The following ARL6IP6 variants were observed in gnomAD, a reference collection of about 807,000 sequenced individuals.
ARL6IP6 encodes ARF like GTPase 6 interacting protein 6.
A neutral mutation model predicts 21.5 loss-of-function variants in ARL6IP6; 22 were observed. The observed-to-expected ratio is 1.02, with a 90% CI of 0.73 to 1.46. ARL6IP6 has a LOEUF of 1.46. Among genes scored for constraint, ARL6IP6 ranks in the 40% most tolerant of loss-of-function variants. The pLI is 0.00. For synonymous variants in ARL6IP6, 164 were observed against 125.3 expected, an observed-to-expected ratio of 1.31 and a Z score of -2.06; for missense variants, 388 against 299.8, an observed-to-expected ratio of 1.29 and a Z score of -2.17.
rs149308486 is a variant in ARL6IP6, at chr2:152,730,646, G to T, written c.455-4348G>T. 9.9e-5 allele frequency among the ~76,000 whole-genome samples: 15 copies of T among 152,252 alleles called. No individual in the cohort carries two copies. In the East Asian group the frequency reaches 2.9e-3, roughly 29 times the overall value. ...GGTGCTAGAGGTGGATACTGTGCCAGGATATTGGGGTGAAGGTGCAGACTA... is the reference window on the plus strand; with the variant it reads ...GGTGCTAGAGGTGGATACTGTGCCATGATATTGGGGTGAAGGTGCAGACTA... On this transcript the variant is annotated intron_variant, in intron 2 of 3. Transcript: ENST00000326446.
In ARL6IP6 at chr2:152,759,896, CAAG is replaced by C. The variant is rs1392157244; in HGVS notation, c.*60_*62del. 3.5e-6 allele frequency: 5 copies of C among 1,415,618 alleles called. No homozygotes were observed. The highest frequency in any genetic ancestry group is 1.7e-5 in the Admixed American group (1 of 59,210). The allele number at this position is 1,415,618 out of a possible 1,614,324, so 87.7% of individuals were successfully genotyped here. Reference sequence around the variant, plus strand: ...CTTAATCATGATTGTTTTGTAATAACAAGAAGGAGCATCACTGTCTACTCAGAA... The same window carrying C: ...CTTAATCATGATTGTTTTGTAATAACAAGGAGCATCACTGTCTACTCAGAA... On this transcript the variant is annotated 3_prime_UTR_variant, in exon 4 of 4. Coordinates refer to ENST00000326446, the MANE Select transcript of ARL6IP6 (RefSeq NM_152522.7).
At chr2:152,720,296 A>T (rs1441866399) in intron 1 of ARL6IP6, 1 of 539,540 alleles carries the variant, frequency 1.9e-6, no homozygotes, top group Non-Finnish European at 3.3e-6. Context: ...CCACTACCTT[A>T]GGGAATAAAC....
chr2:152,755,174 C>T (rs975750533), intron 3 of ARL6IP6, among the ~76,000 whole-genome samples: 1 of 152,186 alleles, frequency 6.6e-6, no homozygotes, highest in Admixed American at 6.5e-5. Flanking sequence ...GCCAGGGCCA[C>T]CAGAGGGCTC....
Position 152,735,211 on chromosome 2 carries a change from G to A in ARL6IP6, c.587+85G>A, listed in dbSNP as rs976521302. 2.0e-5 allele frequency: 29 copies of A among 1,468,284 alleles called. No individual in the cohort carries two copies. The Middle Eastern group carries it at 1.1e-3, about 53-fold the overall frequency. The allele number at this position is 1,468,284 out of a possible 1,614,324, so 91.0% of individuals were successfully genotyped here. A position where few individuals can be genotyped will look rare whatever the true frequency, so the allele number is the denominator to read the frequency against. On this transcript the variant is annotated intron_variant, in intron 3 of 3. Transcript: ENST00000326446. Reference sequence around the variant, plus strand: ...AATACTCAGAAGCAAGAGGCTGATCGTGAGGTATGTTGAGGTTTCAGTCTT... The same window carrying A: ...AATACTCAGAAGCAAGAGGCTGATCATGAGGTATGTTGAGGTTTCAGTCTT...
In ARL6IP6 at chr2:152,760,726, C is replaced by G. The variant is rs1404060330; in HGVS notation, c.*886C>G. The G allele has an allele frequency of 6.6e-6, 1 of 151,712 alleles. No homozygotes were observed. The highest frequency in any genetic ancestry group is 2.4e-5 in the African/African-American group (1 of 41,322). 9.4% of individuals were successfully genotyped at this position (151,712 alleles called of 1,614,324 possible). ...TGTATATATTGTTACTTTAACAGAA[C>G]TTGCATTATTTTGTTTTTAATAAAT... On this transcript the variant is annotated 3_prime_UTR_variant, in exon 4 of 4. Transcript: ENST00000326446.
At chr2:152,726,316 C>T (rs1306894190) in intron 2 of ARL6IP6, among the ~76,000 whole-genome samples, 2 of 152,008 alleles carry the variant, frequency 1.3e-5, no homozygotes, top group African/African-American at 4.8e-5. Context: ...GGTGGTCGGG[C>T]GATTGGGTGA....
rs569600710 is a variant in ARL6IP6 at position 152,742,339 on chromosome 2, G to A, written c.587+7213G>A. 2.6e-5 allele frequency among the ~76,000 whole-genome samples: 4 copies of A among 152,232 alleles called. No individual in the cohort carries two copies. In the South Asian group the frequency reaches 8.3e-4, roughly 32 times the overall value. ...TCGCAGCACTTTGGGAGGCCAAGGT[G>A]GGAGGATGGCTTGAGCCTAGAAGTT... On this transcript the variant is annotated intron_variant, in intron 3 of 3. Transcript: ENST00000326446.
At chr2:152,728,802 T>G (rs969437022) in intron 2 of ARL6IP6, among the ~76,000 whole-genome samples, 7 of 152,166 alleles carry the variant, frequency 4.6e-5, no homozygotes, top group African/African-American at 1.7e-4. Context: ...GGCGTCTGAC[T>G]GAAATCCCAG....
chr2:152,719,894 C>G (rs753780408), intron 1 of ARL6IP6: 2 of 469,710 alleles, frequency 4.3e-6, no homozygotes, highest in South Asian at 3.1e-5. Context: ...TCATTGCTTC[C>G]CAGCGTTTAG....
chr2:152,718,427 C>G, upstream of ARL6IP6: 1 of 692,542 alleles, frequency 1.4e-6, no homozygotes, highest in Non-Finnish European at 2.1e-6. Flanking sequence ...GGGTCGAGCT[C>G]TGGTCGAAGC....
In ARL6IP6 at chr2:152,740,514, A is replaced by G. The variant is rs1700757277; in HGVS notation, c.587+5388A>G. Among the ~76,000 whole-genome samples, 3 of 151,390 alleles carry G rather than the reference A, an allele frequency of 2.0e-5. No individual in the cohort carries two copies. In the South Asian group the frequency reaches 6.3e-4, roughly 32 times the overall value. Reference sequence around the variant, plus strand: ...ATAAAATATATGTTGTGTATGCACAAATGAATACAAAATATAAAATATAAA... The same window carrying G: ...ATAAAATATATGTTGTGTATGCACAGATGAATACAAAATATAAAATATAAA... On this transcript the variant is annotated intron_variant, in intron 3 of 3. Transcript: ENST00000326446.
intron 3 of ARL6IP6, among the ~76,000 whole-genome samples, chr2:152,755,687 CT>C (rs1701554811): frequency 6.6e-6 from 1 of 152,208 alleles, no homozygotes; most frequent in Admixed American, 6.5e-5. Context: ...TACCCTGCCC[CT>C]TTTGCTTTGT....
intron 3 of ARL6IP6, among the ~76,000 whole-genome samples, chr2:152,759,256 T>C (rs1283282129): frequency 6.6e-6 from 1 of 152,178 alleles, no homozygotes; most frequent in African/African-American, 2.4e-5. Flanking sequence ...GAATGATAGC[T>C]GAAATATCTA....
chr2:152,733,864 C>CT (rs376323698), intron 2 of ARL6IP6, among the ~76,000 whole-genome samples: 126 of 152,212 alleles, frequency 8.3e-4, no homozygotes, highest in Middle Eastern at 3.4e-3. Context: ...AGACAGCAAT[C>CT]TTTTTTATTT....
intron 2 of ARL6IP6, 104 bp downstream of exon 2, chr2:152,720,690 G>A (rs1699747949): frequency 3.9e-6 from 4 of 1,021,688 alleles, no homozygotes; most frequent in Admixed American, 2.3e-5. Context: ...ATTTCTATGT[G>A]CAGTCATTCA....
intron 3 of ARL6IP6, among the ~76,000 whole-genome samples, chr2:152,745,094 G>T (rs569189539): frequency 2.4e-4 from 37 of 152,230 alleles, no homozygotes; most frequent in African/African-American, 8.9e-4. Flanking sequence ...AAAATACTTT[G>T]ACATGTGAAT....
chr2:152,724,094 A>C (rs1256017585), intron 2 of ARL6IP6, among the ~76,000 whole-genome samples: 2 of 146,752 alleles, frequency 1.4e-5, no homozygotes, highest in African/African-American at 5.2e-5. Flanking sequence ...TTATTCAAGA[A>C]ATGATGACTA....
intron 3 of ARL6IP6, among the ~76,000 whole-genome samples, chr2:152,736,231 A>G (rs1343753028): frequency 1.3e-5 from 2 of 152,184 alleles, no homozygotes; most frequent in Non-Finnish European, 2.9e-5. Context: ...GGTACCACTC[A>G]ATTAGAAGTT....
At chr2:152,727,969 T>C (rs1313545853) in intron 2 of ARL6IP6, among the ~76,000 whole-genome samples, 3 of 152,206 alleles carry the variant, frequency 2.0e-5, no homozygotes, top group Non-Finnish European at 4.4e-5. Flanking sequence ...ATTCCAACAA[T>C]TAAAGCAAAG....
Sources: allele counts gnomAD v4.1 joint callset (sites outside exome capture counted in the v4.1 genomes callset), GRCh38; gene constraint gnomAD v4.1.1; transcripts MANE v1.5; gene names NCBI Gene and HGNC (gene_info 2026-07-23, HGNC 2026-07-21).